The following SATB2 variants were observed in gnomAD, a reference collection of about 807,000 sequenced individuals.
The protein encoded by SATB2 is DNA-binding protein SATB2.
A neutral mutation model predicts 73.4 loss-of-function variants in SATB2; 1 was observed. The ratio of observed to expected loss-of-function variants is 0.01; its 90% confidence interval spans 0.00 to 0.06. The LOEUF (loss-of-function observed/expected upper bound fraction) is 0.06, where lower values mean the gene tolerates loss of function less well. Ranked by LOEUF, SATB2 falls within the 10% of genes least tolerant of loss-of-function variation. The pLI is 1.00. For synonymous variants in SATB2, 397 were observed against 367.0 expected (o/e 1.08, Z -0.93); for missense variants, 459 against 945.8 (o/e 0.49, Z 6.75).
At chr2:199,420,832 C>T (rs1185365131) in intron 3 of SATB2, among the ~76,000 whole-genome samples, 1 of 151,940 alleles carries the variant, frequency 6.6e-6, no homozygotes, top group Admixed American at 6.6e-5. Context: ...CATTTGTATA[C>T]TTATTGTATA....
intron 8 of SATB2, among the ~76,000 whole-genome samples, chr2:199,324,242 C>G (rs1357936772): frequency 1.3e-5 from 2 of 152,116 alleles, no homozygotes; most frequent in East Asian, 1.9e-4. Flanking sequence ...AAGCAACCAT[C>G]TAACTACAAA....
rs181016244 is a variant in SATB2 at position 199,301,041 on chromosome 2, T to C, written c.1740+7719A>G. 3.0e-3 allele frequency among the ~76,000 whole-genome samples: 451 copies of C among 152,190 alleles called. 1 individual carries two copies. The highest frequency in any genetic ancestry group is 8.3e-3 in the Admixed American group (127 of 15,274). Reference sequence around the variant, plus strand: ...TAAAATGATAAGCCTAGTAAAATGTTGAACTGACTTTAAAAAAATACATTA... The same window carrying C: ...TAAAATGATAAGCCTAGTAAAATGTCGAACTGACTTTAAAAAAATACATTA... On this transcript the variant is annotated intron_variant, in intron 10 of 10. Coordinates refer to ENST00000417098, the MANE Select transcript of SATB2 (RefSeq NM_001172509.2).
At chr2:199,467,072 C>A (rs1386453348), upstream of SATB2, among the ~76,000 whole-genome samples, 1 of 152,272 alleles carries the variant, frequency 6.6e-6, no homozygotes, top group Non-Finnish European at 1.5e-5. Flanking sequence ...TTTTCTACAT[C>A]AGCCTCACTG....
intron 10 of SATB2, among the ~76,000 whole-genome samples, chr2:199,307,524 C>T (rs1687470087): frequency 6.6e-6 from 1 of 152,138 alleles, no homozygotes; most frequent in South Asian, 2.1e-4. Flanking sequence ...CCATCCCCAA[C>T]TCTGGGATCA....
At position 199,367,720 on chromosome 2, in the gene SATB2, C is replaced by A. The variant is rs574285904; in HGVS notation, c.700+885G>T. Among the ~76,000 whole-genome samples the A allele has an allele frequency of 1.1e-4, 16 of 152,230 alleles. 1 individual carries two copies. In the South Asian group the frequency reaches 3.1e-3, roughly 30 times the overall value. ...TTATGCAAAACATGGACTGGAAGGACCATCAAAACCAATGTTACAAGAAAT... is the reference window on the plus strand; with the variant it reads ...TTATGCAAAACATGGACTGGAAGGAACATCAAAACCAATGTTACAAGAAAT... On this transcript the variant is annotated intron_variant, in intron 6 of 10. Coordinates refer to ENST00000417098, the MANE Select transcript of SATB2 (RefSeq NM_001172509.2).
At chr2:199,391,522 CAT>C (rs1237854206) in intron 3 of SATB2, among the ~76,000 whole-genome samples, 1 of 151,632 alleles carries the variant, frequency 6.6e-6, no homozygotes, top group South Asian at 2.1e-4. Flanking sequence ...GGGACATTTT[CAT>C]ATATATGTTA....
At chr2:199,295,421 A>G (rs1693001157) in intron 10 of SATB2, among the ~76,000 whole-genome samples, 1 of 146,484 alleles carries the variant, frequency 6.8e-6, no homozygotes, top group Non-Finnish European at 1.5e-5. Flanking sequence ...GTCTCTAAAG[A>G]AAAAAAAAAA....
chr2:199,465,587 A>T (rs1272729047), upstream of SATB2, among the ~76,000 whole-genome samples: 1 of 152,236 alleles, frequency 6.6e-6, no homozygotes, highest in Non-Finnish European at 1.5e-5. Context: ...ATTTAAAAAT[A>T]TAAAAGACCT....
In SATB2 at chr2:199,272,300, C is replaced by G. The variant is rs200723657; in HGVS notation, c.2113G>C (p.Glu705Gln). ...LTESEENDSEEGSEEMYKVEA... is the reference protein window; with the variant it reads ...LTESEENDSEQGSEEMYKVEA... Reference sequence around the variant, plus strand: ...ACTTTGTACATCTCCTCGGAGCCTTCCTCGCTGTCGTTCTCCTCTGACTCG... The same window carrying G: ...ACTTTGTACATCTCCTCGGAGCCTTGCTCGCTGTCGTTCTCCTCTGACTCG... Residue 705 changes from glutamate to glutamine, a missense_variant, in exon 11 of 11, where the codon GAA becomes CAA. Glu to Gln is a conservative substitution (Grantham distance 29). Transcript: ENST00000417098. This position sits in a 1 kb window ranked among gnomAD's most constrained non-coding sequence, Gnocchi z 6.7. 2 of 1,614,184 alleles carry G rather than the reference C, an allele frequency of 1.2e-6. No individual in the cohort carries two copies. The highest frequency in any genetic ancestry group is 1.7e-6 in the Non-Finnish European group (2 of 1,180,028).
intron 2 of SATB2, among the ~76,000 whole-genome samples, chr2:199,443,334 G>A (rs893977517): frequency 2.6e-5 from 4 of 151,952 alleles, no homozygotes; most frequent in Admixed American, 2.0e-4. Flanking sequence ...AATTAATAAA[G>A]GAATCAAGTG....
At chr2:199,327,087 A>G (rs1425240653) in intron 8 of SATB2, among the ~76,000 whole-genome samples, 1 of 152,220 alleles carries the variant, frequency 6.6e-6, no homozygotes. Context: ...CCAAAGCTAT[A>G]ATATCTAAGC....
At chr2:199,299,372 T>G (rs1338271512) in intron 10 of SATB2, among the ~76,000 whole-genome samples, 2 of 152,202 alleles carry the variant, frequency 1.3e-5, no homozygotes, top group African/African-American at 4.8e-5. Context: ...AGCCACACTT[T>G]GTTCTTTTAA....
intron 7 of SATB2, among the ~76,000 whole-genome samples, chr2:199,334,952 G>T (rs1274919419): frequency 1.3e-5 from 2 of 151,918 alleles, no homozygotes; most frequent in South Asian, 2.1e-4. Flanking sequence ...GGTTTCCCTG[G>T]GTTCTGTATT....
chr2:199,291,783 C>T (rs1296256376), intron 10 of SATB2, among the ~76,000 whole-genome samples: 4 of 151,798 alleles, frequency 2.6e-5, no homozygotes, highest in Non-Finnish European at 5.9e-5. Context: ...CATGGTGGCA[C>T]ACACCTAAAT....
At chr2:199,437,466 C>A (rs1240499179) in intron 2 of SATB2, among the ~76,000 whole-genome samples, 1 of 152,134 alleles carries the variant, frequency 6.6e-6, no homozygotes, top group Non-Finnish European at 1.5e-5. Flanking sequence ...ATTTATAAAG[C>A]GTTAACCATT....
rs1045573636 is a variant in SATB2 at position 199,463,352 on chromosome 2, GC to G, written c.-141+1483del. On this transcript the variant is annotated intron_variant, in intron 1 of 11. Transcript: ENST00000260926. This position sits in a 1 kb window ranked among gnomAD's most constrained non-coding sequence, Gnocchi z 6.4. ...CCGAAGGAGCCGCCGCTGCGTCCCC[GC>G]CCCCAGCTCGGAGCTGCCGGGGTTG... Among the ~76,000 whole-genome samples the G allele has an allele frequency of 6.6e-6, 1 of 152,180 alleles. No individual in the cohort carries two copies. Among genetic ancestry groups the G allele is most frequent in the Non-Finnish European group, 1.5e-5 (1 of 68,012 alleles).
intron 6 of SATB2, among the ~76,000 whole-genome samples, chr2:199,364,370 GA>G (rs1440856600): frequency 6.6e-6 from 1 of 152,058 alleles, no homozygotes; most frequent in Non-Finnish European, 1.5e-5. Context: ...CTGGACGTTT[GA>G]TCTTGCAAGA....
At chr2:199,358,374 C>A (rs1010255650) in intron 6 of SATB2, among the ~76,000 whole-genome samples, 2 of 151,972 alleles carry the variant, frequency 1.3e-5, no homozygotes, top group South Asian at 4.1e-4. Flanking sequence ...AGATATAAAT[C>A]CCATACCATT....
At position 199,333,156 on chromosome 2, in the gene SATB2, CA is replaced by C. The variant is rs566806045; in HGVS notation, c.1174-4247del. Among the ~76,000 whole-genome samples the C allele has an allele frequency of 2.7e-3, 386 of 140,834 alleles. 1 individual carries two copies. The highest frequency in any genetic ancestry group is 0.011 in the Middle Eastern group (3 of 272). The allele number at this position is 140,834 out of a possible 152,430, so 92.4% of individuals were successfully genotyped here. A position where few individuals can be genotyped will look rare whatever the true frequency, so the allele number is the denominator to read the frequency against. ...CCCCCAAATTCAATATACCTAGTCTCAAAAAAAAAAACAGATCAGTCTATTA... is the reference window on the plus strand; with the variant it reads ...CCCCCAAATTCAATATACCTAGTCTCAAAAAAAAAACAGATCAGTCTATTA... On this transcript the variant is annotated intron_variant, in intron 7 of 10. Transcript: ENST00000417098.
Sources: gnomAD v4.1 joint callset for allele counts (sites outside exome capture counted in the v4.1 genomes callset) on GRCh38, gnomAD v4.1.1 for gene constraint, Gnocchi (gnomAD v3.1) non-coding constraint, MANE v1.5 for transcripts, NCBI Gene and HGNC (gene_info 2026-07-23, HGNC 2026-07-21) for gene names.